Variants in H3C3 observed in about 807,000 individuals in gnomAD.
H3C3 encodes the protein histone H3.1.
A neutral mutation model predicts 7.7 loss-of-function variants in H3C3; 14 were observed. The observed-to-expected ratio is 1.81, with a 90% CI of 1.20 to 2.83. The LOEUF (loss-of-function observed/expected upper bound fraction) is 2.83, where lower values mean the gene tolerates loss of function less well. H3C3 is among the 30% of genes most tolerant of loss of function. The pLI is 0.00. For synonymous variants in H3C3, 178 were observed against 77.1 expected (o/e 2.31, Z -6.86); for missense variants, 205 against 191.2 (o/e 1.07, Z -0.43).
At position 26,045,828 on chromosome 6, in the gene H3C3, C is replaced by T. The variant is rs776050204; in HGVS notation, c.*7C>T. ...CCGTGGGGAAAGGGCATAAGTCTGC[C>T]CGTTTCTTCCTCATTGAAAAGGCTC... On this transcript the variant is annotated 3_prime_UTR_variant, in exon 1 of 1. Transcript: ENST00000612966. 5 of 1,610,260 alleles carry T rather than the reference C, an allele frequency of 3.1e-6. 1 individual carries two copies. In the South Asian group the frequency reaches 5.5e-5, roughly 18 times the overall value.
rs1761731589 is a variant in H3C3, at chr6:26,045,617, G to C, written c.207G>C (p.Gln69His). ...TGCTGATCCGGAAGCTGCCGTTCCA[G>C]CGCCTGGTGCGAGAAATCGCCCAGG... The part of the protein sequence containing the change: ...TELLIRKLPF[Q>H]RLVREIAQDF... Residue 69 changes from glutamine (Q) to histidine (H), a missense_variant, in exon 1 of 1, where the codon CAG becomes CAC. Physicochemically the swap from Gln to His is conservative, Grantham distance 24. Coordinates refer to ENST00000612966, the MANE Select transcript of H3C3 (RefSeq NM_003531.3). 1.2e-6 allele frequency: 2 copies of C among 1,614,136 alleles called. No individual in the cohort carries two copies.
Position 26,045,810 on chromosome 6 carries a change from G to T in H3C3, c.400G>T (p.Glu134Ter). The change falls in exon 1 of 1, where the codon GAA (glutamate) becomes TAA (stop). Residue 134 changes from glutamate (E) to a stop codon, truncating the protein, a stop_gained. Transcript: ENST00000612966. LOFTEE classifies it high-confidence loss of function. The stretch of plus-strand genomic sequence containing the variant: ...CCAGCTGGCACGTCGCATCCGTGGG[G>T]AAAGGGCATAAGTCTGCCCGTTTCT... ...DIQLARRIRG[E>*]RA The T allele has an allele frequency of 6.2e-7, 1 of 1,614,016 alleles. No homozygotes were observed. The highest frequency in any genetic ancestry group is 1.1e-5 in the South Asian group (1 of 91,090).
Position 26,045,491 on chromosome 6 carries a change from T to C in H3C3, c.81T>C (p.Arg27=), listed in dbSNP as rs768014161. 6.2e-7 allele frequency: 1 copy of C among 1,612,976 alleles called. No homozygotes were observed. The highest frequency in any genetic ancestry group is 1.7e-4 in the Middle Eastern group (1 of 6,054). ...PRKQLATKAA[R]KSAPATGGVK... The stretch of plus-strand genomic sequence containing the variant: ...AGCAGCTTGCTACTAAAGCAGCCCG[T>C]AAGAGCGCTCCGGCCACCGGTGGCG... Residue 27 remains arginine, a synonymous_variant, in exon 1 of 1, where the codon CGT becomes CGC. Transcript: ENST00000612966.
chr6:26,045,665 C>A lies in H3C3; in HGVS notation c.255C>A (p.Phe85Leu). ...AGGACTTCAAAACCGACCTGCGTTT[C>A]CAGAGCTCTGCGGTGATGGCGCTGC... Reference protein sequence around the residue: ...IAQDFKTDLRFQSSAVMALQE... With the variant: ...IAQDFKTDLRLQSSAVMALQE... Residue 85 changes from phenylalanine (F) to leucine (L), a missense_variant, in exon 1 of 1, where the codon TTC becomes TTA. By Grantham distance (22) the Phe-to-Leu change is conservative. Coordinates refer to ENST00000612966, the MANE Select transcript of H3C3 (RefSeq NM_003531.3). The A allele has an allele frequency of 2.5e-6, 4 of 1,614,248 alleles. No homozygotes were observed. Among genetic ancestry groups the A allele is most frequent in the Non-Finnish European group, 3.4e-6 (4 of 1,180,048 alleles).
At position 26,045,449 on chromosome 6, in the gene H3C3, C is replaced by T. The variant is rs752131644; in HGVS notation, c.39C>T (p.Gly13=). The T allele has an allele frequency of 6.8e-6, 11 of 1,609,894 alleles. No individual in the cohort carries two copies. In the East Asian group the frequency reaches 1.6e-4, roughly 23 times the overall value. Residue 13 remains glycine, a synonymous_variant, in exon 1 of 1, where the codon GGC becomes GGT. Coordinates refer to ENST00000612966, the MANE Select transcript of H3C3 (RefSeq NM_003531.3). ...RTKQTARKST[G]GKAPRKQLAT... is the part of the protein sequence containing the mutation. ...AGCAAACAGCTCGCAAGTCTACCGG[C>T]GGCAAAGCTCCGCGCAAGCAGCTTG... is the stretch of plus-strand genomic sequence containing the variant.
Position 26,045,721 on chromosome 6 carries a change from T to G in H3C3, c.311T>G (p.Leu104Arg). Reference sequence around the variant, plus strand: ...GCTTGTGAGGCCTACCTGGTGGGACTCTTCGAAGACACCAATCTGTGCGCT... The same window carrying G: ...GCTTGTGAGGCCTACCTGGTGGGACGCTTCGAAGACACCAATCTGTGCGCT... ...QEACEAYLVGLFEDTNLCAIH... is the reference protein window; with the variant it reads ...QEACEAYLVGRFEDTNLCAIH... Residue 104 changes from leucine to arginine, a missense_variant, in exon 1 of 1, where the codon CTC becomes CGC. Leu to Arg is a moderately radical substitution (Grantham distance 102). Coordinates refer to ENST00000612966, the MANE Select transcript of H3C3 (RefSeq NM_003531.3). 5 of 1,614,244 alleles carry G rather than the reference T, an allele frequency of 3.1e-6. No homozygotes were observed. Among genetic ancestry groups the G allele is most frequent in the Non-Finnish European group, 4.2e-6 (5 of 1,180,034 alleles).
At position 26,045,542 on chromosome 6, in the gene H3C3, G is replaced by A. The variant is rs749479857; in HGVS notation, c.132G>A (p.Pro44=). The change falls in exon 1 of 1, where the codon CCG becomes CCA. Residue 44 remains proline (P), a synonymous_variant. Transcript: ENST00000612966. ...TGAAGAAACCTCATCGCTACCGCCC[G>A]GGCACCGTGGCCTTGCGCGAAATCC... ...GGVKKPHRYR[P]GTVALREIRR... 2 of 1,613,994 alleles carry A rather than the reference G, an allele frequency of 1.2e-6. No homozygotes were observed. The highest frequency in any genetic ancestry group is 1.1e-5 in the South Asian group (1 of 91,082).
At position 26,045,620 on chromosome 6, in the gene H3C3, C is replaced by T. The variant is rs1191435208; in HGVS notation, c.210C>T (p.Arg70=). 8 of 1,614,144 alleles carry T rather than the reference C, an allele frequency of 5.0e-6. No individual in the cohort carries two copies. The highest frequency in any genetic ancestry group is 6.8e-6 in the Non-Finnish European group (8 of 1,180,054). Residue 70 remains arginine (R), a synonymous_variant, in exon 1 of 1, where the codon CGC becomes CGT. Coordinates refer to ENST00000612966, the MANE Select transcript of H3C3 (RefSeq NM_003531.3). ...ELLIRKLPFQ[R]LVREIAQDFK... ...TGATCCGGAAGCTGCCGTTCCAGCG[C>T]CTGGTGCGAGAAATCGCCCAGGACT...
chr6:26,045,724 T>A lies in H3C3; in HGVS notation c.314T>A (p.Phe105Tyr). ...TGTGAGGCCTACCTGGTGGGACTCTTCGAAGACACCAATCTGTGCGCTATT... is the reference window on the plus strand; with the variant it reads ...TGTGAGGCCTACCTGGTGGGACTCTACGAAGACACCAATCTGTGCGCTATT... ...EACEAYLVGL[F>Y]EDTNLCAIHA... Residue 105 changes from phenylalanine to tyrosine, a missense_variant, in exon 1 of 1, where the codon TTC becomes TAC. Coordinates refer to ENST00000612966, the MANE Select transcript of H3C3 (RefSeq NM_003531.3). The A allele has an allele frequency of 6.2e-7, 1 of 1,614,236 alleles. No individual in the cohort carries two copies. Among genetic ancestry groups the A allele is most frequent in the Non-Finnish European group, 8.5e-7 (1 of 1,180,028 alleles).
At position 26,045,611 on chromosome 6, in the gene H3C3, G is replaced by T; in HGVS notation, c.201G>T (p.Pro67=). The T allele has an allele frequency of 1.2e-6, 2 of 1,614,272 alleles. No homozygotes were observed. The highest frequency in any genetic ancestry group is 1.7e-6 in the Non-Finnish European group (2 of 1,180,058). The stretch of plus-strand genomic sequence containing the variant: ...CCGAGCTGCTGATCCGGAAGCTGCC[G>T]TTCCAGCGCCTGGTGCGAGAAATCG... ...KSTELLIRKL[P]FQRLVREIAQ... is the part of the protein sequence containing the mutation. Residue 67 remains proline, a synonymous_variant, in exon 1 of 1, where the codon CCG becomes CCT. Coordinates refer to ENST00000612966, the MANE Select transcript of H3C3 (RefSeq NM_003531.3).
chr6:26,045,445 C>T lies in H3C3; in HGVS notation c.35C>T (p.Thr12Ile). Residue 12 changes from threonine (T) to isoleucine (I), a missense_variant, in exon 1 of 1, where the codon ACC becomes ATC. Thr to Ile is a moderately conservative substitution (Grantham distance 89). Transcript: ENST00000612966. ...ARTKQTARKS[T>I]GGKAPRKQLA... is the part of the protein sequence containing the mutation. ...ACGAAGCAAACAGCTCGCAAGTCTA[C>T]CGGCGGCAAAGCTCCGCGCAAGCAG... is the stretch of plus-strand genomic sequence containing the variant. 1 of 1,610,240 alleles carries T rather than the reference C, an allele frequency of 6.2e-7. No homozygotes were observed. The highest frequency in any genetic ancestry group is 8.5e-7 in the Non-Finnish European group (1 of 1,179,144).
In H3C3 at chr6:26,045,512, T is replaced by A. The variant is rs1449644522; in HGVS notation, c.102T>A (p.Gly34=). 1.2e-6 allele frequency: 2 copies of A among 1,613,206 alleles called. No individual in the cohort carries two copies. Among genetic ancestry groups the A allele is most frequent in the Non-Finnish European group, 1.7e-6 (2 of 1,179,734 alleles). ...KAARKSAPAT[G]GVKKPHRYRP... Reference sequence around the variant, plus strand: ...CCCGTAAGAGCGCTCCGGCCACCGGTGGCGTGAAGAAACCTCATCGCTACC... The same window carrying A: ...CCCGTAAGAGCGCTCCGGCCACCGGAGGCGTGAAGAAACCTCATCGCTACC... The change falls in exon 1 of 1, where the codon GGT becomes GGA. Residue 34 remains glycine, a synonymous_variant. Transcript: ENST00000612966.
Position 26,045,557 on chromosome 6 carries a change from G to A in H3C3, c.147G>A (p.Leu49=). 4 of 1,614,108 alleles carry A rather than the reference G, an allele frequency of 2.5e-6. No individual in the cohort carries two copies. The highest frequency in any genetic ancestry group is 3.4e-6 in the Non-Finnish European group (4 of 1,179,954). Residue 49 remains leucine, a synonymous_variant, in exon 1 of 1, where the codon TTG becomes TTA. Coordinates refer to ENST00000612966, the MANE Select transcript of H3C3 (RefSeq NM_003531.3). ...PHRYRPGTVA[L]REIRRYQKST... is the part of the protein sequence containing the mutation. ...GCTACCGCCCGGGCACCGTGGCCTT[G>A]CGCGAAATCCGTCGCTACCAGAAGT... is the stretch of plus-strand genomic sequence containing the variant.
In H3C3 at chr6:26,045,697, C is replaced by T. The variant is rs752518862; in HGVS notation, c.287C>T (p.Ala96Val). The T allele has an allele frequency of 2.5e-6, 4 of 1,614,214 alleles. No homozygotes were observed. The highest frequency in any genetic ancestry group is 3.4e-6 in the Non-Finnish European group (4 of 1,180,036). ...QSSAVMALQE[A>V]CEAYLVGLFE... is the part of the protein sequence containing the mutation. ...TCTGCGGTGATGGCGCTGCAGGAGG[C>T]TTGTGAGGCCTACCTGGTGGGACTC... is the stretch of plus-strand genomic sequence containing the variant. Residue 96 changes from alanine (A) to valine (V), a missense_variant, in exon 1 of 1, where the codon GCT (alanine) becomes GTT (valine). By Grantham distance (64) the Ala-to-Val change is moderately conservative (BLOSUM62 0). Coordinates refer to ENST00000612966, the MANE Select transcript of H3C3 (RefSeq NM_003531.3).
At position 26,045,622 on chromosome 6, in the gene H3C3, T is replaced by A; in HGVS notation, c.212T>A (p.Leu71Gln). The change falls in exon 1 of 1, where the codon CTG (leucine) becomes CAG (glutamine). Residue 71 changes from leucine to glutamine, a missense_variant. By Grantham distance (113) the Leu-to-Gln change is moderately radical. Transcript: ENST00000612966. ...ATCCGGAAGCTGCCGTTCCAGCGCC[T>A]GGTGCGAGAAATCGCCCAGGACTTC... ...LLIRKLPFQR[L>Q]VREIAQDFKT... 6.2e-7 allele frequency: 1 copy of A among 1,614,264 alleles called. No individual in the cohort carries two copies. The highest frequency in any genetic ancestry group is 8.5e-7 in the Non-Finnish European group (1 of 1,180,044).
rs762653599 is a variant in H3C3 at position 26,045,587 on chromosome 6, C to A, written c.177C>A (p.Thr59=). 1 of 1,614,252 alleles carries A rather than the reference C, an allele frequency of 6.2e-7. No individual in the cohort carries two copies. Among genetic ancestry groups the A allele is most frequent in the South Asian group, 1.1e-5 (1 of 91,090 alleles). ...AAATCCGTCGCTACCAGAAGTCCAC[C>A]GAGCTGCTGATCCGGAAGCTGCCGT... ...LREIRRYQKS[T]ELLIRKLPFQ... The change falls in exon 1 of 1, where the codon ACC becomes ACA. Residue 59 remains threonine, a synonymous_variant. Transcript: ENST00000612966.
At position 26,045,404 on chromosome 6, in the gene H3C3, A is replaced by C. The variant is rs373741954; in HGVS notation, c.-7A>C. On this transcript the variant is annotated 5_prime_UTR_variant, in exon 1 of 1. Coordinates refer to ENST00000612966, the MANE Select transcript of H3C3 (RefSeq NM_003531.3). ...TCACTACACTTTTGTGTGTGCTCTC[A>C]TTGCAAATGGCTCGTACGAAGCAAA... 6.3e-6 allele frequency: 10 copies of C among 1,597,150 alleles called. No homozygotes were observed. The highest frequency in any genetic ancestry group is 8.5e-6 in the Non-Finnish European group (10 of 1,175,954).
chr6:26,045,533 C>CT lies in H3C3; in HGVS notation c.124dup (p.Tyr42LeufsTer57). On this transcript the variant is annotated frameshift_variant, in exon 1 of 1. Transcript: ENST00000612966. LOFTEE classifies it high-confidence loss of function. Reference sequence around the variant, plus strand: ...CCGGTGGCGTGAAGAAACCTCATCGCTACCGCCCGGGCACCGTGGCCTTGC... The same window carrying CT: ...CCGGTGGCGTGAAGAAACCTCATCGCTTACCGCCCGGGCACCGTGGCCTTGC... 1 of 1,613,952 alleles carries CT rather than the reference C, an allele frequency of 6.2e-7. No individual in the cohort carries two copies. The highest frequency in any genetic ancestry group is 8.5e-7 in the Non-Finnish European group (1 of 1,179,880).
Position 26,045,566 on chromosome 6 carries a change from C to T in H3C3, c.156C>T (p.Ile52=), listed in dbSNP as rs1045347939. Residue 52 remains isoleucine, a synonymous_variant, in exon 1 of 1, where the codon ATC becomes ATT. Coordinates refer to ENST00000612966, the MANE Select transcript of H3C3 (RefSeq NM_003531.3). ...YRPGTVALRE[I]RRYQKSTELL... is the part of the protein sequence containing the mutation. ...CGGGCACCGTGGCCTTGCGCGAAAT[C>T]CGTCGCTACCAGAAGTCCACCGAGC... 27 of 1,614,106 alleles carry T rather than the reference C, an allele frequency of 1.7e-5. No homozygotes were observed. Among genetic ancestry groups the T allele is most frequent in the Middle Eastern group, 1.7e-4 (1 of 6,058 alleles).
Sources: allele counts gnomAD v4.1 joint callset, GRCh38; gene constraint gnomAD v4.1.1; transcripts MANE v1.5; gene names NCBI Gene and HGNC (gene_info 2026-07-23, HGNC 2026-07-21).